Variants in KCNB2 observed in about 807,000 individuals in gnomAD.
KCNB2 encodes the protein potassium voltage-gated channel subfamily B member 2, also known as delayed rectifier potassium channel protein.
In KCNB2, 15 loss-of-function variants were observed where a neutral mutation model predicts 61.5. That is an observed-to-expected ratio of 0.24 (90% CI 0.16 to 0.38). The LOEUF (loss-of-function observed/expected upper bound fraction) is 0.38. Ranked by LOEUF, KCNB2 falls within the 10% of genes least tolerant of loss-of-function variation. The pLI is 1.00. For missense variants in KCNB2, 828 were observed against 1,125.2 expected (o/e 0.74, Z 3.78); for synonymous variants, 457 against 446.0 (o/e 1.02, Z -0.31).
chr8:72,582,123 A>G (rs1464472309), intron 2 of KCNB2, among the ~76,000 whole-genome samples: 5 of 152,226 alleles, frequency 3.3e-5, no homozygotes, highest in African/African-American at 9.6e-5. Context: ...TATAAGTTAC[A>G]TGAAGCAGAC....
chr8:72,712,451 C>T (rs1001332647), intron 2 of KCNB2, among the ~76,000 whole-genome samples: 1 of 152,236 alleles, frequency 6.6e-6, no homozygotes, highest in Non-Finnish European at 1.5e-5. Flanking sequence ...CCTCTATGGG[C>T]TGGTCCTGTG....
intron 2 of KCNB2, among the ~76,000 whole-genome samples, chr8:72,815,653 A>C (rs1448643365): frequency 1.2e-4 from 18 of 152,150 alleles, no homozygotes; most frequent in Admixed American, 1.2e-3. Context: ...TAACTCCCAA[A>C]TCTCATCTTT....
At chr8:72,654,930 G>A (rs972918728) in intron 2 of KCNB2, among the ~76,000 whole-genome samples, 1 of 152,100 alleles carries the variant, frequency 6.6e-6, no homozygotes. Flanking sequence ...ATTTGACTCA[G>A]CAATCCCATT....
rs564954242 is a variant in KCNB2 at position 72,807,157 on chromosome 8, T to G, written c.580-128778T>G. On this transcript the variant is annotated intron_variant, in intron 2 of 2. Coordinates refer to ENST00000523207, the MANE Select transcript of KCNB2 (RefSeq NM_004770.3). The stretch of plus-strand genomic sequence containing the variant: ...CTACCAGGCCTAAGTATGCACACAT[T>G]AACAGCCAGTGGAAGATATATGGCT... Among the ~76,000 whole-genome samples, 3 of 152,290 alleles carry G rather than the reference T, an allele frequency of 2.0e-5. No homozygotes were observed. In the South Asian group the frequency reaches 6.2e-4, roughly 32 times the overall value.
intron 2 of KCNB2, among the ~76,000 whole-genome samples, chr8:72,701,235 A>T (rs1222942739): frequency 6.6e-6 from 1 of 152,170 alleles, no homozygotes; most frequent in Admixed American, 6.6e-5. Context: ...AAAAGTTAAA[A>T]TTATTTTTTA....
At chr8:72,643,392 C>T (rs1406511103) in intron 2 of KCNB2, among the ~76,000 whole-genome samples, 1 of 152,136 alleles carries the variant, frequency 6.6e-6, no homozygotes, top group Non-Finnish European at 1.5e-5. Context: ...TGGTATGGCA[C>T]ACCCCAGACT....
chr8:72,745,148 C>A (rs1174417730), intron 2 of KCNB2, among the ~76,000 whole-genome samples: 1 of 152,144 alleles, frequency 6.6e-6, no homozygotes, highest in South Asian at 2.1e-4. Flanking sequence ...AACTACCCAC[C>A]CCACCTTGGG....
In KCNB2 at chr8:72,561,407, G is replaced by A. The variant is rs535033407; in HGVS notation, c.-93-6235G>A. ...CTTGACCTCATAATCTGCCCACCTT[G>A]GCCTCCCAAAAAAGTTCTATTTTTT... On this transcript the variant is annotated intron_variant, in intron 1 of 2. Transcript: ENST00000523207. Among the ~76,000 whole-genome samples the A allele has an allele frequency of 1.1e-4, 17 of 150,712 alleles. No individual in the cohort carries two copies. The East Asian group carries it at 3.3e-3, about 29-fold the overall frequency.
At chr8:72,579,139 G>A (rs1024026305) in intron 2 of KCNB2, among the ~76,000 whole-genome samples, 1 of 152,088 alleles carries the variant, frequency 6.6e-6, no homozygotes, top group Admixed American at 6.5e-5. Context: ...CTACATACCT[G>A]CTTCTTAGCT....
intron 2 of KCNB2, among the ~76,000 whole-genome samples, chr8:72,622,288 A>G (rs1038859670): frequency 6.6e-6 from 1 of 152,194 alleles, no homozygotes; most frequent in Non-Finnish European, 1.5e-5. Context: ...AGAAGAAGAA[A>G]AGCCTACCTC....
intron 2 of KCNB2, among the ~76,000 whole-genome samples, chr8:72,689,519 C>T (rs1218591323): frequency 6.6e-6 from 1 of 152,108 alleles, no homozygotes; most frequent in African/African-American, 2.4e-5. Flanking sequence ...TTTCATCACC[C>T]AAAAAGAAAG....
At chr8:72,896,538 C>T (rs1012755458) in intron 2 of KCNB2, among the ~76,000 whole-genome samples, 1 of 152,086 alleles carries the variant, frequency 6.6e-6, no homozygotes, top group Non-Finnish European at 1.5e-5. Context: ...GAAACTACTG[C>T]ATTTAAACAT....
At chr8:72,777,754 G>A (rs944928176) in intron 2 of KCNB2, among the ~76,000 whole-genome samples, 5 of 152,144 alleles carry the variant, frequency 3.3e-5, no homozygotes, top group Non-Finnish European at 7.4e-5. Flanking sequence ...GAGAGAAAGA[G>A]GAAGTAGTAT....
chr8:72,892,268 G>C (rs1805908421), intron 2 of KCNB2, among the ~76,000 whole-genome samples: 1 of 152,090 alleles, frequency 6.6e-6, no homozygotes, highest in South Asian at 2.1e-4. Context: ...CATGTAAGAA[G>C]GGGGAGATAA....
At position 72,891,532 on chromosome 8, in the gene KCNB2, C is replaced by T. The variant is rs12543060; in HGVS notation, c.580-44403C>T. Among the ~76,000 whole-genome samples, 475 of 152,292 alleles carry T rather than the reference C, an allele frequency of 3.1e-3. 4 individuals carry two copies. The highest frequency in any genetic ancestry group is 0.021 in the East Asian group (109 of 5,188). On this transcript the variant is annotated intron_variant, in intron 2 of 2. Transcript: ENST00000523207. ...GCTTAAATTACAAAAGAATCACATC[C>T]TTTCCAATGTAGTATCAAGAAAGCC...
At chr8:72,718,098 T>G (rs1459521310) in intron 2 of KCNB2, among the ~76,000 whole-genome samples, 1 of 151,868 alleles carries the variant, frequency 6.6e-6, no homozygotes, top group Non-Finnish European at 1.5e-5. Context: ...GAAATGCAAA[T>G]CAAAACCACA....
intron 2 of KCNB2, among the ~76,000 whole-genome samples, chr8:72,714,428 C>A (rs1425192966): frequency 6.6e-6 from 1 of 152,174 alleles, no homozygotes; most frequent in Non-Finnish European, 1.5e-5. Flanking sequence ...AGGTTACCCA[C>A]AAAGGGAAGC....
chr8:72,609,042 T>A (rs1805498448), intron 2 of KCNB2, among the ~76,000 whole-genome samples: 1 of 152,204 alleles, frequency 6.6e-6, no homozygotes, highest in Non-Finnish European at 1.5e-5. Flanking sequence ...GGAGTAGAAT[T>A]GTTTCATAGA....
intron 2 of KCNB2, among the ~76,000 whole-genome samples, chr8:72,828,736 G>A (rs1023580431): frequency 4.6e-5 from 7 of 152,196 alleles, no homozygotes; most frequent in South Asian, 4.2e-4. Flanking sequence ...ATAATCACGC[G>A]TTCTTTAATT....
Sources: gnomAD v4.1 joint callset for allele counts (sites outside exome capture counted in the v4.1 genomes callset) on GRCh38, gnomAD v4.1.1 for gene constraint, MANE v1.5 for transcripts, NCBI Gene and HGNC (gene_info 2026-07-23, HGNC 2026-07-21) for gene names.